ATXN10: variants seen among roughly 807,000 people sequenced by gnomAD.
ATXN10 encodes ataxin-10.
In ATXN10, 28 loss-of-function variants were observed where a neutral mutation model predicts 52.9. The observed-to-expected ratio is 0.53, with a 90% CI of 0.39 to 0.73. The LOEUF (loss-of-function observed/expected upper bound fraction) is 0.73. Ranked by LOEUF, ATXN10 falls within the 30% of genes least tolerant of loss-of-function variation. The probability of loss-of-function intolerance (pLI) is 0.00; values close to 1 mark genes in which losing one functional copy is unlikely to be tolerated. For missense variants in ATXN10, 565 were observed against 577.0 expected (o/e 0.98, Z 0.21); for synonymous variants, 226 against 221.5 (o/e 1.02, Z -0.18).
chr22:45,806,354 T>C (rs2146883955), intron 9 of ATXN10, among the ~76,000 whole-genome samples: 1 of 152,374 alleles, frequency 6.6e-6, no homozygotes. Context: ...CGGTGCCATG[T>C]ATGTTTCATG....
At position 45,700,373 on chromosome 22, in the gene ATXN10, G is replaced by A; in HGVS notation, c.483G>A (p.Leu161=). 6.2e-7 allele frequency: 1 copy of A among 1,609,340 alleles called. No homozygotes were observed. Among genetic ancestry groups the A allele is most frequent in the South Asian group, 1.1e-5 (1 of 90,952 alleles). ...TTTGGGTGCATGCTTTCCCAGAACT[G>A]TTTTTGTGAGTATATTGATAAGCAT... ...SIVWVHAFPE[L]FLSCLNHPDK... The change falls in exon 4 of 12, where the codon CTG becomes CTA. Residue 161 remains leucine (L), a synonymous_variant. Coordinates refer to ENST00000252934, the MANE Select transcript of ATXN10 (RefSeq NM_013236.4).
chr22:45,792,625 G>A (rs755877051), intron 9 of ATXN10: 6 of 242,330 alleles, frequency 2.5e-5, no homozygotes, highest in South Asian at 5.6e-5. Flanking sequence ...AGTAGTTCAC[G>A]TATGTGAGAA....
chr22:45,817,472 A>G (rs1273181882), intron 10 of ATXN10, among the ~76,000 whole-genome samples: 1 of 151,960 alleles, frequency 6.6e-6, no homozygotes, highest in East Asian at 1.9e-4. Context: ...TTACAGGCCC[A>G]TGCCACGACG....
rs192923335 is a variant in ATXN10, at chr22:45,844,182, T to G, written c.*511T>G. 1.2e-5 allele frequency: 2 copies of G among 165,580 alleles called. No homozygotes were observed. Among genetic ancestry groups the G allele is most frequent in the Admixed American group, 5.8e-5 (1 of 17,182 alleles). 10.3% of individuals were successfully genotyped at this position (165,580 alleles called of 1,614,324 possible). On this transcript the variant is annotated 3_prime_UTR_variant, in exon 12 of 12. Coordinates refer to ENST00000252934, the MANE Select transcript of ATXN10 (RefSeq NM_013236.4). ...TTGACAAGACTCATTTCCAGTTAAT[T>G]AATTCGAGAACCCTCCCTCTTCATT...
chr22:45,671,931 CG>C lies in ATXN10; in HGVS notation c.-131del. 1 of 979,162 alleles carries C rather than the reference CG, an allele frequency of 1.0e-6. No individual in the cohort carries two copies. The highest frequency in any genetic ancestry group is 1.5e-6 in the Non-Finnish European group (1 of 685,896). The allele number at this position is 979,162 out of a possible 1,614,324, so 60.7% of individuals were successfully genotyped here. ...GCAGCGCGGGCTGCAGCGGCGGCGG[CG>C]GTTAGGGCTGTGTAGGGCGAGGCCT... On this transcript the variant is annotated 5_prime_UTR_variant, in exon 1 of 12. Coordinates refer to ENST00000252934, the MANE Select transcript of ATXN10 (RefSeq NM_013236.4).
In ATXN10 at chr22:45,769,593, G is replaced by T. The variant is rs564438907; in HGVS notation, c.1173+29055G>T. Among the ~76,000 whole-genome samples the T allele has an allele frequency of 6.6e-6, 1 of 152,266 alleles. No homozygotes were observed. Among genetic ancestry groups the T allele is most frequent in the South Asian group, 2.1e-4 (1 of 4,822 alleles). ...CCAGCAGAGGTACAGAGGAAGAAAG[G>T]TAAAGGGTCAGTATAGGTTTGGCTG... On this transcript the variant is annotated intron_variant, in intron 9 of 11. Coordinates refer to ENST00000252934, the MANE Select transcript of ATXN10 (RefSeq NM_013236.4). The surrounding 1 kb of genome is among the most constrained non-coding windows in gnomAD (Gnocchi z 4.2).
intron 9 of ATXN10, among the ~76,000 whole-genome samples, chr22:45,791,034 T>G (rs1569065801): frequency 1.3e-5 from 2 of 152,130 alleles, no homozygotes; most frequent in Non-Finnish European, 2.9e-5. Flanking sequence ...TTTTAAAAAA[T>G]TATTTGTTGA....
Position 45,764,049 on chromosome 22 carries a change from C to G in ATXN10, c.1173+23511C>G, listed in dbSNP as rs578155932. On this transcript the variant is annotated intron_variant, in intron 9 of 11. Coordinates refer to ENST00000252934, the MANE Select transcript of ATXN10 (RefSeq NM_013236.4). ...CCTCTCCGGCAGCCTCTCTGCTTCT[C>G]CCTGATCCTGCAGCGTGTGCTTGAA... Among the ~76,000 whole-genome samples, 11 of 152,344 alleles carry G rather than the reference C, an allele frequency of 7.2e-5. No homozygotes were observed. The South Asian group carries it at 2.3e-3, about 32-fold the overall frequency.
At chr22:45,743,994 T>A (rs1354194336) in intron 9 of ATXN10, among the ~76,000 whole-genome samples, 1 of 152,136 alleles carries the variant, frequency 6.6e-6, no homozygotes, top group Non-Finnish European at 1.5e-5. Context: ...CTGGTCAGTC[T>A]GCGTCTCCTA....
At chr22:45,802,908 T>C (rs1411742919) in intron 9 of ATXN10, among the ~76,000 whole-genome samples, 1 of 152,220 alleles carries the variant, frequency 6.6e-6, no homozygotes. Flanking sequence ...AAACCTGGTT[T>C]TTGAAAATAA....
rs9626427 is a variant in ATXN10, at chr22:45,710,444, C to T, written c.647+7597C>T. On this transcript the variant is annotated intron_variant, in intron 5 of 11. Transcript: ENST00000252934. ...TGTTCAGTAGTGTTTCCTGTAAACC[C>T]GTATCGCTTTACTCTCTTTTATTCA... Among the ~76,000 whole-genome samples the T allele has an allele frequency of 4.9e-3, 748 of 152,234 alleles. 6 individuals are homozygous for T. The highest frequency in any genetic ancestry group is 0.017 in the African/African-American group (718 of 41,538).
At chr22:45,838,984 C>A (rs1026328798) in intron 10 of ATXN10, among the ~76,000 whole-genome samples, 8 of 152,338 alleles carry the variant, frequency 5.3e-5, no homozygotes, top group Non-Finnish European at 8.8e-5. Flanking sequence ...TTAGAGGGGG[C>A]AGTGGAGCAA....
chr22:45,716,645 T>A (rs193297460), intron 5 of ATXN10, among the ~76,000 whole-genome samples: 416 of 152,222 alleles, frequency 2.7e-3, no homozygotes, highest in African/African-American at 9.8e-3. Flanking sequence ...GCCTGGAATG[T>A]TTCTATTAAT....
At chr22:45,776,406 C>A (rs1449905825) in intron 9 of ATXN10, among the ~76,000 whole-genome samples, 3 of 152,068 alleles carry the variant, frequency 2.0e-5, no homozygotes, top group Non-Finnish European at 2.9e-5. Flanking sequence ...TTTGTCTGAC[C>A]ACCTTTCATT....
intron 9 of ATXN10, among the ~76,000 whole-genome samples, chr22:45,751,734 T>C (rs1241339209): frequency 1.8e-5 from 1 of 54,618 alleles, no homozygotes; most frequent in Non-Finnish European, 4.0e-5. Flanking sequence ...GCTCTACCTT[T>C]TTCTGGAAAA....
At chr22:45,776,786 T>TC in intron 9 of ATXN10, among the ~76,000 whole-genome samples, 1 of 152,346 alleles carries the variant, frequency 6.6e-6, no homozygotes, top group East Asian at 1.9e-4. Flanking sequence ...TCACCCAAAA[T>TC]ACTAACTGCT....
intron 6 of ATXN10, among the ~76,000 whole-genome samples, chr22:45,722,562 A>G (rs1466045095): frequency 1.3e-5 from 2 of 152,208 alleles, no homozygotes; most frequent in African/African-American, 2.4e-5. Context: ...TTGTAACCAT[A>G]TAATAAAGCT....
In ATXN10 at chr22:45,833,961, T is replaced by C. The variant is rs1929078260; in HGVS notation, c.1238-9030T>C. Among the ~76,000 whole-genome samples, 1 of 152,214 alleles carries C rather than the reference T, an allele frequency of 6.6e-6. No homozygotes were observed. The highest frequency in any genetic ancestry group is 2.4e-5 in the African/African-American group (1 of 41,446). The stretch of plus-strand genomic sequence containing the variant: ...GCGGGACCTTGGCCATGTTCGCCTC[T>C]GTGTCTAAGTTTTCTCATCAGTAGA... On this transcript the variant is annotated intron_variant, in intron 10 of 11. Transcript: ENST00000252934. This position sits in a 1 kb window ranked among gnomAD's most constrained non-coding sequence, Gnocchi z 4.3.
chr22:45,834,822 A>C (rs1929112332), intron 10 of ATXN10, among the ~76,000 whole-genome samples: 1 of 152,124 alleles, frequency 6.6e-6, no homozygotes, highest in Admixed American at 6.5e-5. Flanking sequence ...TGTGCCAGGC[A>C]CTCTGCTAAC....
Sources: gnomAD v4.1 joint callset for allele counts (sites outside exome capture counted in the v4.1 genomes callset) on GRCh38, gnomAD v4.1.1 for gene constraint, Gnocchi (gnomAD v3.1) non-coding constraint, MANE v1.5 for transcripts, NCBI Gene and HGNC (gene_info 2026-07-23, HGNC 2026-07-21) for gene names.